UTRN: variants seen among roughly 807,000 people sequenced by gnomAD.
The protein encoded by UTRN is utrophin.
In UTRN, 283 loss-of-function variants were observed where a neutral mutation model predicts 463.9. The ratio of observed to expected loss-of-function variants is 0.61; its 90% CI spans 0.55 to 0.67. The LOEUF (loss-of-function observed/expected upper bound fraction) is 0.67, where lower values mean the gene tolerates loss of function less well. UTRN is among the 30% of genes least tolerant of loss of function. The pLI is 0.00. For synonymous variants in UTRN, 1,442 were observed against 1,431.5 expected (o/e 1.01, Z -0.17); for missense variants, 3,922 against 4,084.3 (o/e 0.96, Z 1.08).
intron 51 of UTRN, among the ~76,000 whole-genome samples, chr6:144,622,909 A>G (rs1326962382): frequency 1.3e-5 from 2 of 152,204 alleles, no homozygotes; most frequent in African/African-American, 4.8e-5. Context: ...AAAATGAGAC[A>G]TAACTAATTA....
chr6:144,579,851 G>A (rs1160172014), intron 51 of UTRN, among the ~76,000 whole-genome samples: 2 of 152,062 alleles, frequency 1.3e-5, no homozygotes, highest in East Asian at 1.9e-4. Flanking sequence ...AGATAAATAT[G>A]TACATTTATG....
intron 54 of UTRN, among the ~76,000 whole-genome samples, chr6:144,734,222 A>G (rs1789106209): frequency 6.6e-6 from 1 of 152,062 alleles, no homozygotes; most frequent in Non-Finnish European, 1.5e-5. Flanking sequence ...ACCCACAAAA[A>G]TTTTCAAAAA....
rs773374519 is a variant in UTRN, at chr6:144,533,124, G to A, written c.6097G>A (p.Ala2033Thr). 8 of 1,613,694 alleles carry A rather than the reference G, an allele frequency of 5.0e-6. No homozygotes were observed. The African/African-American group carries it at 9.3e-5, about 19-fold the overall frequency. Reference sequence around the variant, plus strand: ...CATCAGCAGCCACCAGCCCAGTTTTGCAGCACTAAACCGAACTGGGGATGG... The same window carrying A: ...CATCAGCAGCCACCAGCCCAGTTTTACAGCACTAAACCGAACTGGGGATGG... ...VGISSHQPSFAALNRTGDGIV... is the reference protein window; with the variant it reads ...VGISSHQPSFTALNRTGDGIV... The change falls in exon 43 of 75, where the codon GCA becomes ACA. Residue 2033 changes from alanine to threonine, a missense_variant. Coordinates refer to ENST00000367545, the MANE Select transcript of UTRN (RefSeq NM_007124.3).
chr6:144,550,900 GT>G lies in UTRN; in HGVS notation c.6811-61del. On this transcript the variant is annotated intron_variant, in intron 47 of 74. Coordinates refer to ENST00000367545, the MANE Select transcript of UTRN (RefSeq NM_007124.3). ...CGACAACTTTGATGTCAGCACAACTGTTTTGCTTATTATTCTTCTCATATGG... is the reference window on the plus strand; with the variant it reads ...CGACAACTTTGATGTCAGCACAACTGTTTGCTTATTATTCTTCTCATATGG... The G allele has an allele frequency of 2.9e-6, 4 of 1,385,406 alleles. No homozygotes were observed. The South Asian group carries it at 6.3e-5, about 22-fold the overall frequency. The allele number at this position is 1,385,406 out of a possible 1,614,324, so 85.8% of individuals were successfully genotyped here. A position where few individuals can be genotyped will look rare whatever the true frequency, so the allele number is the denominator to read the frequency against.
intron 52 of UTRN, among the ~76,000 whole-genome samples, chr6:144,691,238 T>C (rs373893656): frequency 6.6e-6 from 1 of 152,292 alleles, no homozygotes; most frequent in African/African-American, 2.4e-5. Flanking sequence ...TGCCTCAGCC[T>C]CCCATGTAGC....
intron 2 of UTRN, among the ~76,000 whole-genome samples, chr6:144,327,492 A>G (rs1776046840): frequency 1.3e-5 from 2 of 152,168 alleles, no homozygotes; most frequent in African/African-American, 2.4e-5. Flanking sequence ...GGTGTTGCCC[A>G]CTGGCCTAAC....
At chr6:144,542,980 C>A in intron 46 of UTRN, 110 bp downstream of exon 46, 1 of 890,610 alleles carries the variant, frequency 1.1e-6, no homozygotes, top group Non-Finnish European at 1.7e-6. Flanking sequence ...GTGCCATTTT[C>A]TTTATTTAAT....
At chr6:144,635,941 TA>T (rs1554315949) in intron 51 of UTRN, among the ~76,000 whole-genome samples, 2 of 152,170 alleles carry the variant, frequency 1.3e-5, no homozygotes, top group Non-Finnish European at 2.9e-5. Context: ...AGAAAATTAT[TA>T]TTTTTTTTAA....
intron 51 of UTRN, among the ~76,000 whole-genome samples, chr6:144,631,515 T>C (rs962023222): frequency 6.6e-6 from 1 of 152,070 alleles, no homozygotes; most frequent in East Asian, 1.9e-4. Flanking sequence ...GGATACATAA[T>C]TAAGGAAGAA....
Position 144,692,852 on chromosome 6 carries a change from G to T in UTRN, c.7653-7235G>T, listed in dbSNP as rs554555462. Among the ~76,000 whole-genome samples, 130 of 152,154 alleles carry T rather than the reference G, an allele frequency of 8.5e-4. 1 individual carries two copies. The highest frequency in any genetic ancestry group is 6.2e-4 in the South Asian group (3 of 4,818). On this transcript the variant is annotated intron_variant, in intron 52 of 74. Transcript: ENST00000367545. ...TCCCATTCTGTATGTTTACTCTGTT[G>T]ATAGTTTCTTTTGCTGTGCAGAAGC...
At position 144,331,546 on chromosome 6, in the gene UTRN, A is replaced by G. The variant is rs191640134; in HGVS notation, c.79+39639A>G. On this transcript the variant is annotated intron_variant, in intron 2 of 74. Coordinates refer to ENST00000367545, the MANE Select transcript of UTRN (RefSeq NM_007124.3). ...CGCTATTCCAAATCTCCAACAATTG[A>G]GTAGTTAATTAGTGCCCCTGCATCC... Among the ~76,000 whole-genome samples the G allele has an allele frequency of 5.9e-4, 90 of 152,284 alleles. 1 individual carries two copies. The highest frequency in any genetic ancestry group is 1.9e-3 in the African/African-American group (81 of 41,546).
intron 50 of UTRN, among the ~76,000 whole-genome samples, chr6:144,558,777 C>CAG (rs1192365831): frequency 3.3e-5 from 5 of 152,058 alleles, no homozygotes; most frequent in Admixed American, 6.6e-5. Flanking sequence ...GAGAAGGTCA[C>CAG]AGAGAGAGAT....
intron 2 of UTRN, among the ~76,000 whole-genome samples, chr6:144,326,231 T>C (rs60027602): frequency 0.024 from 3,711 of 152,060 alleles, 149 homozygotes; most frequent in African/African-American, 0.084. Flanking sequence ...AACATTTTAT[T>C]GATAGTACAG....
chr6:144,367,315 A>G (rs1393358362), intron 2 of UTRN, among the ~76,000 whole-genome samples: 1 of 138,148 alleles, frequency 7.2e-6, no homozygotes, highest in Non-Finnish European at 1.5e-5. Flanking sequence ...AAAGGATTAT[A>G]CATGAGTCAA....
In UTRN at chr6:144,286,527, C is replaced by T. The variant is rs914088465; in HGVS notation, c.-93+706C>T. Among the ~76,000 whole-genome samples, 1 of 151,862 alleles carries T rather than the reference C, an allele frequency of 6.6e-6. No individual in the cohort carries two copies. The highest frequency in any genetic ancestry group is 6.6e-5 in the Admixed American group (1 of 15,256). ...GTGTGTAGTCCCGCGCAGTCGCCGGCTCTCCTTTTCCGGACTCTGGGGATC... is the reference window on the plus strand; with the variant it reads ...GTGTGTAGTCCCGCGCAGTCGCCGGTTCTCCTTTTCCGGACTCTGGGGATC... On this transcript the variant is annotated intron_variant, in intron 1 of 74. Transcript: ENST00000367545. This position sits in a 1 kb window ranked among gnomAD's most constrained non-coding sequence, Gnocchi z 4.4.
chr6:144,621,439 A>C (rs111252942), intron 51 of UTRN, among the ~76,000 whole-genome samples: 4,175 of 88,710 alleles, frequency 0.047, 200 homozygotes, highest in African/African-American at 0.29. Flanking sequence ...CAGGGCCCAT[A>C]TCAAATGTAT....
At chr6:144,748,756 AT>A (rs1360593429) in intron 55 of UTRN, among the ~76,000 whole-genome samples, 1 of 152,118 alleles carries the variant, frequency 6.6e-6, no homozygotes, top group African/African-American at 2.4e-5. Flanking sequence ...ATTTATTTTT[AT>A]TTTTTATCCA....
chr6:144,769,330 C>G (rs1462117587), intron 58 of UTRN, among the ~76,000 whole-genome samples: 1 of 150,056 alleles, frequency 6.7e-6, no homozygotes, highest in African/African-American at 2.4e-5. Context: ...TTTTTTATTT[C>G]TGTTGTTTGG....
chr6:144,620,924 G>A (rs2128647357), intron 51 of UTRN, among the ~76,000 whole-genome samples: 1 of 152,250 alleles, frequency 6.6e-6, no homozygotes, highest in East Asian at 1.9e-4. Context: ...TACTTAGGTT[G>A]GTCAGGTGTA....
Sources: allele counts gnomAD v4.1 joint callset (sites outside exome capture counted in the v4.1 genomes callset), GRCh38; gene constraint gnomAD v4.1.1; non-coding constraint Gnocchi (gnomAD v3.1); transcripts MANE v1.5; gene names NCBI Gene and HGNC (gene_info 2026-07-23, HGNC 2026-07-21).